Variants in RAB27B observed in about 807,000 individuals in gnomAD.
RAB27B encodes ras-related protein Rab-27B.
Under a neutral mutation model 24.6 loss-of-function variants are expected in RAB27B, and 15 were observed. The observed-to-expected ratio is 0.61, with a 90% CI of 0.41 to 0.94. The LOEUF (loss-of-function observed/expected upper bound fraction) is 0.94, where lower values mean the gene tolerates loss of function less well. Among genes scored for constraint, RAB27B ranks in the 40% least tolerant of loss-of-function variants. The pLI is 0.00. For missense variants in RAB27B, 261 were observed against 266.8 expected (o/e 0.98, Z 0.15); for synonymous variants, 105 against 92.5 (o/e 1.14, Z -0.78).
At chr18:54,725,596 C>CAG (rs1909510514) in intron 2 of RAB27B, among the ~76,000 whole-genome samples, 1 of 151,208 alleles carries the variant, frequency 6.6e-6, no homozygotes, top group African/African-American at 2.4e-5. Flanking sequence ...CGGCATGGCA[C>CAG]GGGAGGCCTC....
chr18:54,820,627 C>T (rs929237686), intron 2 of RAB27B, among the ~76,000 whole-genome samples: 5 of 152,118 alleles, frequency 3.3e-5, no homozygotes, highest in East Asian at 1.9e-4. Context: ...TTAATTAGAT[C>T]CCATTTGTCA....
chr18:54,731,222 C>T lies in RAB27B; in HGVS notation c.-20+13081C>T, dbSNP rs9946201. ...TTGTAAAAGTTGTAATTCATTAGTT[C>T]AATATATGCTGAACCTGTAAGTACC... is the stretch of plus-strand genomic sequence containing the variant. On this transcript the variant is annotated intron_variant, in intron 2 of 4. Transcript: ENST00000586570. Among the ~76,000 whole-genome samples the T allele has an allele frequency of 6.2e-3, 940 of 152,158 alleles. 11 individuals carry two copies. The highest frequency in any genetic ancestry group is 0.022 in the African/African-American group (894 of 41,510).
intron 1 of RAB27B, among the ~76,000 whole-genome samples, chr18:54,866,652 C>T (rs906896749): frequency 1.3e-5 from 2 of 152,262 alleles, no homozygotes; most frequent in East Asian, 1.9e-4. Context: ...CTACCTGTGA[C>T]GGGGAGGGGA....
intron 2 of RAB27B, among the ~76,000 whole-genome samples, chr18:54,718,781 A>G (rs1460273733): frequency 2.0e-5 from 3 of 152,218 alleles, no homozygotes; most frequent in African/African-American, 7.2e-5. Flanking sequence ...GAAAACCCAA[A>G]TGATTATGAT....
upstream of RAB27B, among the ~76,000 whole-genome samples, chr18:54,825,657 G>A (rs1910447926): frequency 6.6e-6 from 1 of 152,110 alleles, no homozygotes; most frequent in African/African-American, 2.4e-5. Flanking sequence ...AAAAAGGCAT[G>A]TGTTCAGTTC....
At chr18:54,888,279 C>T in intron 5 of RAB27B, 161 bp downstream of exon 5, 1 of 717,042 alleles carries the variant, frequency 1.4e-6, no homozygotes, top group Non-Finnish European at 2.1e-6. Flanking sequence ...TAATGAATTA[C>T]TTAATAATAA....
chr18:54,791,001 A>G (rs1483772250), intron 2 of RAB27B, among the ~76,000 whole-genome samples: 1 of 152,234 alleles, frequency 6.6e-6, no homozygotes, highest in Non-Finnish European at 1.5e-5. Context: ...AGACTATTGC[A>G]AAGACACTAA....
At chr18:54,746,036 T>G (rs1164900731) in intron 2 of RAB27B, among the ~76,000 whole-genome samples, 1 of 152,018 alleles carries the variant, frequency 6.6e-6, no homozygotes, top group Non-Finnish European at 1.5e-5. Context: ...GGAGGCGGTC[T>G]CACTCTATAT....
chr18:54,851,256 GA>G (rs2145219255), intron 1 of RAB27B, among the ~76,000 whole-genome samples: 1 of 152,190 alleles, frequency 6.6e-6, no homozygotes, highest in Admixed American at 6.5e-5. Context: ...GCTCCTGTTA[GA>G]AATTGCTTAT....
intron 2 of RAB27B, among the ~76,000 whole-genome samples, chr18:54,723,892 G>A (rs1203917871): frequency 1.3e-5 from 2 of 152,124 alleles, no homozygotes; most frequent in African/African-American, 2.4e-5. Context: ...ATGTCATAAA[G>A]CAATAAGGGC....
chr18:54,730,262 T>A (rs1480900277), intron 2 of RAB27B, among the ~76,000 whole-genome samples: 1 of 152,150 alleles, frequency 6.6e-6, no homozygotes, highest in East Asian at 1.9e-4. Context: ...AGACGTTATC[T>A]GGACTTATAA....
chr18:54,883,266 A>T (rs373146916), intron 3 of RAB27B, among the ~76,000 whole-genome samples: 2 of 152,128 alleles, frequency 1.3e-5, no homozygotes, highest in Admixed American at 6.6e-5. Flanking sequence ...GCTTCTCAAC[A>T]CACAGGCTAC....
At chr18:54,877,865 T>C in intron 2 of RAB27B, 127 bp downstream of exon 2, 4 of 1,007,548 alleles carry the variant, frequency 4.0e-6, no homozygotes, top group Non-Finnish European at 5.5e-6. Context: ...GTCATTTTAA[T>C]TTATTTTAGA....
chr18:54,888,857 C>T (rs1913251067), intron 5 of RAB27B, among the ~76,000 whole-genome samples: 1 of 152,022 alleles, frequency 6.6e-6, no homozygotes, highest in Admixed American at 6.6e-5. Context: ...AGGAGATTTC[C>T]AGATAATTGA....
intron 2 of RAB27B, among the ~76,000 whole-genome samples, chr18:54,804,600 G>A (rs370327006): frequency 1.3e-5 from 2 of 152,100 alleles, no homozygotes; most frequent in East Asian, 1.9e-4. Flanking sequence ...AATCTCCAAC[G>A]GTGTCAAGAT....
chr18:54,806,569 TTATA>T (rs1361052743), intron 2 of RAB27B, among the ~76,000 whole-genome samples: 1 of 148,382 alleles, frequency 6.7e-6, no homozygotes, highest in East Asian at 1.9e-4. Context: ...TATATATTAT[TTATA>T]TATATAATCA....
At chr18:54,718,757 G>A (rs1382290672) in intron 2 of RAB27B, among the ~76,000 whole-genome samples, 1 of 152,140 alleles carries the variant, frequency 6.6e-6, no homozygotes, top group East Asian at 1.9e-4. Context: ...TGATAAGAGA[G>A]TAGTTTGCTA....
At chr18:54,738,136 A>C (rs1233421391) in intron 2 of RAB27B, among the ~76,000 whole-genome samples, 4 of 152,202 alleles carry the variant, frequency 2.6e-5, no homozygotes. Flanking sequence ...TTAGATGACT[A>C]ACCACTGAGT....
chr18:54,717,857 G>A (rs968442143), upstream of RAB27B: 1 of 152,212 alleles, frequency 6.6e-6, no homozygotes, highest in East Asian at 1.9e-4. Context: ...GGACTGAGCC[G>A]CCTTTGCTGT....
Sources: gnomAD v4.1 joint callset for allele counts (sites outside exome capture counted in the v4.1 genomes callset) on GRCh38, gnomAD v4.1.1 for gene constraint, MANE v1.5 for transcripts, NCBI Gene and HGNC (gene_info 2026-07-23, HGNC 2026-07-21) for gene names.